EIF4E3: variants seen among roughly 807,000 people sequenced by gnomAD.
The protein encoded by EIF4E3 is eukaryotic translation initiation factor 4E family member 3, also known as eukaryotic translation initiation factor 4E type 3.
In EIF4E3, 26 loss-of-function variants were observed where a neutral mutation model predicts 31.7. The observed-to-expected ratio is 0.82, with a 90% CI of 0.60 to 1.14. The LOEUF is 1.14. EIF4E3 is among the 50% of genes most tolerant of loss of function. EIF4E3 has a pLI of 0.00. For synonymous variants in EIF4E3, 128 were observed against 107.7 expected (o/e 1.19, Z -1.17); for missense variants, 304 against 270.9 (o/e 1.12, Z -0.86).
At chr3:71,711,655 C>T (rs2049380863) in intron 1 of EIF4E3, among the ~76,000 whole-genome samples, 1 of 152,202 alleles carries the variant, frequency 6.6e-6, no homozygotes, top group African/African-American at 2.4e-5. Flanking sequence ...CCAGTGAATG[C>T]TCCCTAAGAG....
chr3:71,754,202 C>G, upstream of EIF4E3: 1 of 1,410,974 alleles, frequency 7.1e-7, no homozygotes, highest in Non-Finnish European at 9.4e-7. This position sits in a 1 kb window ranked among gnomAD's most constrained non-coding sequence, Gnocchi z 5.8. Flanking sequence ...GCCTGCACCG[C>G]GCCCCGTACT....
At chr3:71,672,441 T>TCTC (rs1272535193), downstream of EIF4E3, among the ~76,000 whole-genome samples, 1 of 152,156 alleles carries the variant, frequency 6.6e-6, no homozygotes, top group Non-Finnish European at 1.5e-5. Context: ...ATAAGGCCTT[T>TCTC]CTCCTTTACA....
At chr3:71,725,447 C>T (rs1374956071), upstream of EIF4E3, 6 of 866,214 alleles carry the variant, frequency 6.9e-6, no homozygotes, top group African/African-American at 1.1e-4. The surrounding 1 kb of genome is among the most constrained non-coding windows in gnomAD (Gnocchi z 6.1). Flanking sequence ...GCCCCCGCCC[C>T]GCCCCGCCCC....
chr3:71,704,817 TTTAA>T (rs1206430683), intron 2 of EIF4E3, among the ~76,000 whole-genome samples: 2 of 152,132 alleles, frequency 1.3e-5, no homozygotes, highest in Admixed American at 1.3e-4. Context: ...CTAAATTACT[TTTAA>T]TTAACAAGGT....
Position 71,683,431 on chromosome 3 carries a change from A to T in EIF4E3, c.*1251T>A, listed in dbSNP as rs1483792174. On this transcript the variant is annotated 3_prime_UTR_variant, in exon 7 of 7. Coordinates refer to ENST00000425534, the MANE Select transcript of EIF4E3 (RefSeq NM_001134651.2). ...ATGGCCCTGCCCTTTATCAGGCAAA[A>T]GCAGCCAAAGGCTTGGCAAAGTCAG... 1.3e-5 allele frequency: 2 copies of T among 152,274 alleles called. No individual in the cohort carries two copies. Among genetic ancestry groups the T allele is most frequent in the South Asian group, 2.1e-4 (1 of 4,836 alleles). The allele number at this position is 152,274 out of a possible 1,614,324, so 9.4% of individuals were successfully genotyped here.
rs2048932993 is a variant in EIF4E3 at position 71,682,257 on chromosome 3, T to C, written c.*2425A>G. The C allele has an allele frequency of 6.6e-6, 1 of 152,228 alleles. No homozygotes were observed. Among genetic ancestry groups the C allele is most frequent in the Non-Finnish European group, 1.5e-5 (1 of 68,040 alleles). 9.4% of individuals were successfully genotyped at this position (152,228 alleles called of 1,614,324 possible). A position where few individuals can be genotyped will look rare whatever the true frequency, so the allele number is the denominator to read the frequency against. On this transcript the variant is annotated 3_prime_UTR_variant, in exon 7 of 7. Transcript: ENST00000425534. ...AAAGACAAAAAAGCAAGCTCTTTGG[T>C]TTCTGCATGGTTCTTTGCAGACTAC...
chr3:71,739,346 A>T (rs1430177460), intron 1 of EIF4E3, among the ~76,000 whole-genome samples: 3 of 152,066 alleles, frequency 2.0e-5, no homozygotes, highest in Non-Finnish European at 4.4e-5. Flanking sequence ...AGAAATAGAG[A>T]TGTTTTCAGA....
chr3:71,725,035 C>A lies in EIF4E3; in HGVS notation c.176+157G>T, dbSNP rs1165400602. Among the ~76,000 whole-genome samples the A allele has an allele frequency of 2.6e-5, 4 of 151,878 alleles. No individual in the cohort carries two copies. Among genetic ancestry groups the A allele is most frequent in the African/African-American group, 9.7e-5 (4 of 41,396 alleles). On this transcript the variant is annotated intron_variant, in intron 1 of 6. Coordinates refer to ENST00000425534, the MANE Select transcript of EIF4E3 (RefSeq NM_001134651.2). This position sits in a 1 kb window ranked among gnomAD's most constrained non-coding sequence, Gnocchi z 6.1. ...GGCCCGAAGCTGGCTTCCGACCCGG[C>A]GGGGCGAGTCCCGGGGTGCGCAGGC...
chr3:71,700,634 T>C (rs934493294), intron 2 of EIF4E3, among the ~76,000 whole-genome samples: 6 of 109,106 alleles, frequency 5.5e-5, no homozygotes, highest in Admixed American at 1.8e-4. Flanking sequence ...AAAAAAAAAA[T>C]CAACCCTGTC....
At chr3:71,685,419 G>A (rs997801979) in intron 6 of EIF4E3, among the ~76,000 whole-genome samples, 3 of 152,146 alleles carry the variant, frequency 2.0e-5, no homozygotes, top group Admixed American at 1.3e-4. Context: ...GAGTGCAGTG[G>A]CGCAATCTTG....
chr3:71,727,158 C>G (rs2049650048), upstream of EIF4E3, among the ~76,000 whole-genome samples: 1 of 152,174 alleles, frequency 6.6e-6, no homozygotes, highest in African/African-American at 2.4e-5. Flanking sequence ...ACTAACAAGT[C>G]CACAACGTAA....
chr3:71,705,801 T>C (rs2049285530), intron 2 of EIF4E3, among the ~76,000 whole-genome samples: 1 of 152,204 alleles, frequency 6.6e-6, no homozygotes, highest in South Asian at 2.1e-4. Context: ...TTCTATTTTT[T>C]TTTCTCCCAG....
chr3:71,729,959 A>G (rs1218673575), upstream of EIF4E3, among the ~76,000 whole-genome samples: 3 of 151,996 alleles, frequency 2.0e-5, no homozygotes, highest in Non-Finnish European at 4.4e-5. Flanking sequence ...ATAAATATGC[A>G]GGCCTGTCTT....
intron 1 of EIF4E3, among the ~76,000 whole-genome samples, chr3:71,713,021 G>A (rs564582540): frequency 7.2e-5 from 11 of 152,172 alleles, no homozygotes; most frequent in African/African-American, 1.9e-4. Flanking sequence ...AAGAAATCAC[G>A]TTTCCAGAGG....
chr3:71,699,245 AAAC>A (rs1427455022), intron 3 of EIF4E3, among the ~76,000 whole-genome samples: 2 of 152,120 alleles, frequency 1.3e-5, no homozygotes, highest in South Asian at 2.1e-4. Flanking sequence ...GAAACCAACC[AAAC>A]AACAACAACA....
At chr3:71,705,057 C>G (rs1041807995) in intron 2 of EIF4E3, among the ~76,000 whole-genome samples, 1 of 152,108 alleles carries the variant, frequency 6.6e-6, no homozygotes, top group Non-Finnish European at 1.5e-5. Flanking sequence ...GGCTGCAGGT[C>G]CTTCTCTTTC....
chr3:71,727,866 G>A (rs2049658930), upstream of EIF4E3, among the ~76,000 whole-genome samples: 1 of 152,150 alleles, frequency 6.6e-6, no homozygotes, highest in South Asian at 2.1e-4. Flanking sequence ...GGCTAGTCAA[G>A]AATTTTTATC....
Position 71,710,434 on chromosome 3 carries a change from A to G in EIF4E3, c.227T>C (p.Ile76Thr). ...AAECASNLKK[I>T]YTVQTVQIFW... is the part of the protein sequence containing the mutation. Reference sequence around the variant, plus strand: ...TACCTGTACTGTCTGTACTGTGTAGATTTTCTTCAGATTTGATGCGCACTC... The same window carrying G: ...TACCTGTACTGTCTGTACTGTGTAGGTTTTCTTCAGATTTGATGCGCACTC... The change falls in exon 2 of 7, where the codon ATC (isoleucine) becomes ACC (threonine). Residue 76 changes from isoleucine (I) to threonine (T), a missense_variant. By Grantham distance (89) the Ile-to-Thr change is moderately conservative. Transcript: ENST00000425534. 6.4e-7 allele frequency: 1 copy of G among 1,552,090 alleles called. No homozygotes were observed.
At chr3:71,718,233 T>A in intron 1 of EIF4E3, among the ~76,000 whole-genome samples, 1 of 152,232 alleles carries the variant, frequency 6.6e-6, no homozygotes, top group East Asian at 1.9e-4. Context: ...CCATTAAAGA[T>A]GATTTCATTT....
Sources: allele counts gnomAD v4.1 joint callset (sites outside exome capture counted in the v4.1 genomes callset), GRCh38; gene constraint gnomAD v4.1.1; non-coding constraint Gnocchi (gnomAD v3.1); transcripts MANE v1.5; gene names NCBI Gene and HGNC (gene_info 2026-07-23, HGNC 2026-07-21).